Variants in CHD5 observed in about 807,000 individuals in gnomAD.
CHD5 encodes chromodomain helicase DNA binding protein 5, also known as ATP-dependent chromatin remodeler CHD5.
CHD5 carries 69 observed loss-of-function variants against 230.3 expected under a neutral mutation model. The ratio of observed to expected loss-of-function variants is 0.30; its 90% CI spans 0.25 to 0.37. The LOEUF (loss-of-function observed/expected upper bound fraction) is 0.37. Among genes scored for constraint, CHD5 ranks in the 10% least tolerant of loss-of-function variants. The probability of loss-of-function intolerance (pLI) is 1.00; values close to 1 mark genes in which losing one functional copy is unlikely to be tolerated. For synonymous variants in CHD5, 1,064 were observed against 1,065.9 expected, an observed-to-expected ratio of 1.00 and a Z score of 0.03; for missense variants, 1,827 against 2,622.8, an observed-to-expected ratio of 0.70 and a Z score of 6.63.
intron 1 of CHD5, among the ~76,000 whole-genome samples, chr1:6,170,993 C>A (rs1240347334): frequency 3.3e-5 from 5 of 152,234 alleles, no homozygotes; most frequent in Non-Finnish European, 5.9e-5. Flanking sequence ...CGGTGCCCAG[C>A]ACTGCTTATG....
chr1:6,156,937 C>T (rs1294303075), intron 3 of CHD5, among the ~76,000 whole-genome samples: 1 of 152,216 alleles, frequency 6.6e-6, no homozygotes, highest in Non-Finnish European at 1.5e-5. Context: ...CTGCCACATA[C>T]CGGTGGTAAG....
Position 6,159,376 on chromosome 1 carries a change from T to A in CHD5, c.347A>T (p.Lys116Met). Residue 116 changes from lysine to methionine, a missense_variant, in exon 3 of 42, where the codon AAG (lysine) becomes ATG (methionine). By Grantham distance (95) the Lys-to-Met change is moderately conservative. Transcript: ENST00000262450. ...KKEKKAKRKKKDEDEDDNDDG... is the reference protein window; with the variant it reads ...KKEKKAKRKKMDEDEDDNDDG... ...ATCATTATCATCCTCATCCTCATCCTTCTTTTTTCGCTTGGCTTTTTTCTC... is the reference window on the plus strand; with the variant it reads ...ATCATTATCATCCTCATCCTCATCCATCTTTTTTCGCTTGGCTTTTTTCTC... The A allele has an allele frequency of 6.4e-7, 1 of 1,552,152 alleles. No homozygotes were observed. The highest frequency in any genetic ancestry group is 1.4e-5 in the African/African-American group (1 of 73,192).
chr1:6,178,033 G>T (rs937294849), intron 1 of CHD5, among the ~76,000 whole-genome samples: 8 of 152,216 alleles, frequency 5.3e-5, no homozygotes, highest in African/African-American at 1.7e-4. Flanking sequence ...CTTGGACCCA[G>T]AACATGGAGA....
intron 2 of CHD5, among the ~76,000 whole-genome samples, chr1:6,162,393 A>AAAAAG (rs1312395291): frequency 1.3e-5 from 2 of 152,060 alleles, no homozygotes; most frequent in Non-Finnish European, 1.5e-5. Context: ...TCTCAAAAAA[A>AAAAAG]AAAAGAAAAG....
chr1:6,136,778 C>A lies in CHD5; in HGVS notation c.2524G>T (p.Ala842Ser). 1 of 1,613,744 alleles carries A rather than the reference C, an allele frequency of 6.2e-7. No homozygotes were observed. The highest frequency in any genetic ancestry group is 8.5e-7 in the Non-Finnish European group (1 of 1,179,740). ...TGGGCCTCATCTACCACCAGGCAGG[C>A]CCACTCGATGGAGCCCAGGATGGCC... is the stretch of plus-strand genomic sequence containing the variant. ...DQAILGSIEW[A>S]CLVVDEAHRL... is the part of the protein sequence containing the mutation. The change falls in exon 16 of 42, where the codon GCC becomes TCC. Residue 842 changes from alanine to serine, a missense_variant. Coordinates refer to ENST00000262450, the MANE Select transcript of CHD5 (RefSeq NM_015557.3).
At chr1:6,175,845 GGA>G (rs1255830040) in intron 1 of CHD5, among the ~76,000 whole-genome samples, 1 of 152,038 alleles carries the variant, frequency 6.6e-6, no homozygotes, top group Non-Finnish European at 1.5e-5. Flanking sequence ...ATGGATGGAT[GGA>G]TGGTGGGAAG....
At chr1:6,159,166 C>T (rs919930949) in intron 3 of CHD5, among the ~76,000 whole-genome samples, 170 bp downstream of exon 3, 10 of 150,494 alleles carry the variant, frequency 6.6e-5, no homozygotes, top group Admixed American at 2.6e-4. Flanking sequence ...ACCTGGGAGG[C>T]GGTTGCAGTG....
intron 2 of CHD5, among the ~76,000 whole-genome samples, chr1:6,163,380 T>C (rs1055071275): frequency 6.6e-6 from 1 of 152,168 alleles, no homozygotes; most frequent in African/African-American, 2.4e-5. Flanking sequence ...CTCCACCACA[T>C]GGAGCCCGCA....
rs141922772 is a variant in CHD5, at chr1:6,128,584, C to T, written c.3645G>A (p.Pro1215=). 51 of 1,613,870 alleles carry T rather than the reference C, an allele frequency of 3.2e-5. No individual in the cohort carries two copies. The East Asian group carries it at 4.2e-4, about 13-fold the overall frequency. ...VEGMMSQGQR[P]VTPIPDVQSS... The stretch of plus-strand genomic sequence containing the variant: ...ACTGGACATCAGGGATGGGTGTGAC[C>T]GGCCTCTGGCCCTGAGACATCATGC... The change falls in exon 24 of 42, where the codon CCG becomes CCA. Residue 1215 remains proline, a synonymous_variant. Coordinates refer to ENST00000262450, the MANE Select transcript of CHD5 (RefSeq NM_015557.3). The surrounding 1 kb of genome is among the most constrained non-coding windows in gnomAD (Gnocchi z 7.8).
At chr1:6,110,026 C>T (rs751621702) in intron 37 of CHD5, 36 bp from the exon 38 acceptor site, 18 of 1,473,858 alleles carry the variant, frequency 1.2e-5, no homozygotes, top group Admixed American at 5.2e-5. Flanking sequence ...CGGCCCCTCC[C>T]GCTGAATGGC....
chr1:6,152,047 T>C (rs1667015893), intron 6 of CHD5, among the ~76,000 whole-genome samples: 1 of 148,596 alleles, frequency 6.7e-6, no homozygotes, highest in African/African-American at 2.5e-5. Flanking sequence ...CAGACCTGGG[T>C]GCTGGGCGGC....
intron 15 of CHD5, among the ~76,000 whole-genome samples, chr1:6,140,065 A>G (rs1026570261): frequency 7.2e-5 from 11 of 152,236 alleles, no homozygotes; most frequent in African/African-American, 1.7e-4. Flanking sequence ...CTAGGGGCCA[A>G]TGGCTACAAG....
At chr1:6,116,076 G>C (rs968862339) in intron 33 of CHD5, among the ~76,000 whole-genome samples, 3 of 152,154 alleles carry the variant, frequency 2.0e-5, no homozygotes, top group Non-Finnish European at 4.4e-5. Context: ...TTCTTCTTTA[G>C]AGCATTTGGA....
In CHD5 at chr1:6,125,380, CT is replaced by C; in HGVS notation, c.4260+143del. On this transcript the variant is annotated intron_variant, in intron 28 of 41. Transcript: ENST00000262450. The surrounding 1 kb of genome is among the most constrained non-coding windows in gnomAD (Gnocchi z 6.7). Reference sequence around the variant, plus strand: ...AGGGGCCTCCACCTGGGGCAGGACCCTGACGGCGAAGACCAGACCAAGTTCT... The same window carrying C: ...AGGGGCCTCCACCTGGGGCAGGACCCGACGGCGAAGACCAGACCAAGTTCT... 8.2e-7 allele frequency: 1 copy of C among 1,222,962 alleles called. No homozygotes were observed. The highest frequency in any genetic ancestry group is 1.1e-6 in the Non-Finnish European group (1 of 878,334). 75.8% of individuals were successfully genotyped at this position (1,222,962 alleles called of 1,614,324 possible).
chr1:6,118,378 C>CAAAAAA (rs60950909), intron 33 of CHD5, among the ~76,000 whole-genome samples: 1 of 79,198 alleles, frequency 1.3e-5, no homozygotes, highest in African/African-American at 4.8e-5. Context: ...GACCCTGTCT[C>CAAAAAA]AAAAAAAAAA....
At position 6,146,438 on chromosome 1, in the gene CHD5, G is replaced by C; in HGVS notation, c.1591-15C>G. The C allele has an allele frequency of 6.2e-7, 1 of 1,608,934 alleles. No homozygotes were observed. ...TACAGCTCCAGCTGCTCATGGAGCG[G>C]CACAAAGTCACAGAAGGGAGATGGG... On this transcript the variant is annotated splice_polypyrimidine_tract_variant and intron_variant, in intron 10 of 41. Transcript: ENST00000262450. The surrounding 1 kb of genome is among the most constrained non-coding windows in gnomAD (Gnocchi z 5.1).
Position 6,142,620 on chromosome 1 carries a change from G to A in CHD5, c.2044-15C>T. The A allele has an allele frequency of 1.9e-6, 3 of 1,604,286 alleles. No homozygotes were observed. Among genetic ancestry groups the A allele is most frequent in the Non-Finnish European group, 2.6e-6 (3 of 1,175,202 alleles). The stretch of plus-strand genomic sequence containing the variant: ...TTGACCGTGGGCTGCAGGGGAGGCA[G>A]CGGTTCAGACACGCCCCAGATCCTG... On this transcript the variant is annotated splice_polypyrimidine_tract_variant and intron_variant, in intron 13 of 41. Transcript: ENST00000262450. The surrounding 1 kb of genome is among the most constrained non-coding windows in gnomAD (Gnocchi z 5.2).
intron 7 of CHD5, among the ~76,000 whole-genome samples, chr1:6,150,016 GAT>G (rs1666977194): frequency 1.3e-5 from 2 of 150,850 alleles, no homozygotes; most frequent in African/African-American, 4.9e-5. Flanking sequence ...TGGATGGATG[GAT>G]GGATGGATGG....
At chr1:6,118,166 AG>A (rs1244550775) in intron 33 of CHD5, among the ~76,000 whole-genome samples, 1 of 152,154 alleles carries the variant, frequency 6.6e-6, no homozygotes, top group African/African-American at 2.4e-5. Context: ...GCTTGAGTCC[AG>A]GGGTTCAAGA....
Sources: gnomAD v4.1 joint callset for allele counts (sites outside exome capture counted in the v4.1 genomes callset) on GRCh38, gnomAD v4.1.1 for gene constraint, Gnocchi (gnomAD v3.1) non-coding constraint, MANE v1.5 for transcripts, NCBI Gene and HGNC (gene_info 2026-07-23, HGNC 2026-07-21) for gene names.